The following SULT6B1 variants were observed in gnomAD, a reference collection of about 807,000 sequenced individuals.
The protein encoded by SULT6B1 is sulfotransferase 6B1.
SULT6B1 carries 44 observed loss-of-function variants against 37.2 expected under a neutral mutation model. The ratio of observed to expected loss-of-function variants is 1.18; its 90% CI spans 0.93 to 1.52. SULT6B1 has a LOEUF of 1.52. SULT6B1 is among the 40% of genes most tolerant of loss of function. The pLI is 0.00. For synonymous variants in SULT6B1, 140 were observed against 126.0 expected, an observed-to-expected ratio of 1.11 and a Z score of -0.74; for missense variants, 450 against 361.0, an observed-to-expected ratio of 1.25 and a Z score of -2.00.
At chr2:37,178,617 A>C (rs1342105509) in intron 4 of SULT6B1, among the ~76,000 whole-genome samples, 1 of 152,196 alleles carries the variant, frequency 6.6e-6, no homozygotes, top group Non-Finnish European at 1.5e-5. Flanking sequence ...ATCTTAAATT[A>C]AAATAATGCA....
upstream of SULT6B1, among the ~76,000 whole-genome samples, chr2:37,190,617 G>T (rs1676762393): frequency 6.6e-6 from 1 of 152,194 alleles, no homozygotes; most frequent in African/African-American, 2.4e-5. Flanking sequence ...TTGGCGGGAG[G>T]AAAAGCAGGT....
upstream of SULT6B1, among the ~76,000 whole-genome samples, chr2:37,192,861 T>C (rs185971238): frequency 2.0e-5 from 3 of 152,306 alleles, no homozygotes; most frequent in African/African-American, 7.2e-5. Flanking sequence ...ATTCTTAGTT[T>C]GTCTAGGCTT....
upstream of SULT6B1, among the ~76,000 whole-genome samples, chr2:37,193,294 T>TAAAA (rs55842015): frequency 1.5e-5 from 2 of 131,410 alleles, no homozygotes; most frequent in Non-Finnish European, 1.6e-5. Flanking sequence ...TGTCTCTACT[T>TAAAA]AAAAAAAAAA....
intron 4 of SULT6B1, among the ~76,000 whole-genome samples, chr2:37,176,297 C>G (rs1240598478): frequency 1.6e-5 from 2 of 123,796 alleles, no homozygotes; most frequent in Non-Finnish European, 3.2e-5. Flanking sequence ...GAGTCTCACT[C>G]TGTCACCCCG....
chr2:37,189,705 G>A (rs1676744265), upstream of SULT6B1, among the ~76,000 whole-genome samples: 1 of 152,156 alleles, frequency 6.6e-6, no homozygotes, highest in Non-Finnish European at 1.5e-5. Context: ...GCGTGTGCGG[G>A]GAAGGTGCTT....
chr2:37,180,372 C>T (rs1328858709), intron 3 of SULT6B1, among the ~76,000 whole-genome samples: 1 of 152,184 alleles, frequency 6.6e-6, no homozygotes, highest in Admixed American at 6.5e-5. Context: ...TATTCACTTT[C>T]ATTTGGGAGA....
intron 4 of SULT6B1, among the ~76,000 whole-genome samples, chr2:37,178,777 C>T (rs1352675402): frequency 6.6e-6 from 1 of 152,110 alleles, no homozygotes; most frequent in Non-Finnish European, 1.5e-5. Flanking sequence ...GGTATAGTAG[C>T]TCAGTGTCAT....
At chr2:37,188,906 T>C (rs1572467363), upstream of SULT6B1, among the ~76,000 whole-genome samples, 1 of 152,216 alleles carries the variant, frequency 6.6e-6, no homozygotes, top group Non-Finnish European at 1.5e-5. Flanking sequence ...AAAGTAAGAA[T>C]GGAATATCCT....
upstream of SULT6B1, among the ~76,000 whole-genome samples, chr2:37,189,182 T>G (rs1279185856): frequency 6.6e-6 from 1 of 152,216 alleles, no homozygotes; most frequent in East Asian, 1.9e-4. Context: ...GTTTGAACCT[T>G]GACTCTACCA....
chr2:37,176,304 C>T (rs1022247428), intron 4 of SULT6B1, among the ~76,000 whole-genome samples: 3 of 147,316 alleles, frequency 2.0e-5, no homozygotes, highest in African/African-American at 7.6e-5. Flanking sequence ...ACTCTGTCAC[C>T]CCGGCTGGAG....
chr2:37,180,946 C>T (rs980167785), intron 3 of SULT6B1, among the ~76,000 whole-genome samples: 1 of 152,098 alleles, frequency 6.6e-6, no homozygotes, highest in African/African-American at 2.4e-5. Flanking sequence ...TGTAAACCTG[C>T]TGGGAGGTTT....
chr2:37,184,225 G>A (rs916356412), intron 2 of SULT6B1, among the ~76,000 whole-genome samples: 8 of 152,078 alleles, frequency 5.3e-5, no homozygotes, highest in East Asian at 3.9e-4. Context: ...CAGTTCCTGC[G>A]AATCCATTTT....
chr2:37,182,126 A>G (rs1397003703), intron 3 of SULT6B1, among the ~76,000 whole-genome samples: 1 of 151,534 alleles, frequency 6.6e-6, no homozygotes, highest in African/African-American at 2.4e-5. Flanking sequence ...TTCCTTTCTT[A>G]TTTTGCTTCC....
At chr2:37,169,370 T>C (rs146004100) in intron 6 of SULT6B1, among the ~76,000 whole-genome samples, 2,504 of 152,326 alleles carry the variant, frequency 0.016, 173 homozygotes, top group Admixed American at 0.14. Context: ...ACATCCTGAC[T>C]CCACTGTTTA....
intron 5 of SULT6B1, 149 bp downstream of exon 5, chr2:37,174,983 G>T: frequency 4.7e-6 from 2 of 426,254 alleles, no homozygotes; most frequent in Non-Finnish European, 8.4e-6. Context: ...TGCATGGTTT[G>T]AATTTTCTTT....
intron 6 of SULT6B1, among the ~76,000 whole-genome samples, chr2:37,169,578 C>T (rs2148283042): frequency 6.6e-6 from 1 of 152,278 alleles, no homozygotes; most frequent in East Asian, 1.9e-4. Context: ...CAACCTCCAC[C>T]TCCCAGGTTC....
intron 1 of SULT6B1, among the ~76,000 whole-genome samples, chr2:37,193,742 A>C (rs1031421077): frequency 6.6e-6 from 1 of 152,186 alleles, no homozygotes; most frequent in Non-Finnish European, 1.5e-5. Flanking sequence ...CAGCAAACCT[A>C]GTACATATTT....
At position 37,179,526 on chromosome 2, in the gene SULT6B1, T is replaced by C. The variant is rs780709445; in HGVS notation, c.461A>G (p.Asn154Ser). 9.3e-6 allele frequency: 15 copies of C among 1,613,922 alleles called. No homozygotes were observed. Among genetic ancestry groups the C allele is most frequent in the Non-Finnish European group, 3.4e-6 (4 of 1,179,948 alleles). The change falls in exon 4 of 7, where the codon AAC becomes AGC. Residue 154 changes from asparagine to serine, a missense_variant. Physicochemically the swap from Asn to Ser is conservative, Grantham distance 46. Coordinates refer to ENST00000535679, the MANE Select transcript of SULT6B1 (RefSeq NM_001367551.1). ...DTAVSFLHFH[N>S]DVPDIPSYGS... ...ATAGCTTGGAATATCGGGGACATCG[T>C]TGTGGAAATGCAAAAAAGATACTGC...
chr2:37,195,764 A>G lies in SULT6B1; in HGVS notation c.-22+752T>C, dbSNP rs1375474991. Among the ~76,000 whole-genome samples the G allele has an allele frequency of 4.0e-5, 6 of 151,436 alleles. No individual in the cohort carries two copies. In the East Asian group the frequency reaches 1.2e-3, roughly 29 times the overall value. On this transcript the variant is annotated intron_variant, in intron 1 of 7. Coordinates refer to the SULT6B1 transcript ENST00000407963. ...TCCCCTTCGCGCTTTCTCAAGTGTTACTTTGCAAACGAATTCTTTAGGGAT... is the reference window on the plus strand; with the variant it reads ...TCCCCTTCGCGCTTTCTCAAGTGTTGCTTTGCAAACGAATTCTTTAGGGAT...
Sources: allele counts gnomAD v4.1 joint callset (sites outside exome capture counted in the v4.1 genomes callset), GRCh38; gene constraint gnomAD v4.1.1; transcripts MANE v1.5; gene names NCBI Gene and HGNC (gene_info 2026-07-23, HGNC 2026-07-21).